The following CALN1 variants were observed in gnomAD, a reference collection of about 807,000 sequenced individuals.
The protein encoded by CALN1 is calcium-binding protein 8.
Under a neutral mutation model 30.6 loss-of-function variants are expected in CALN1, and 17 were observed. That is an observed-to-expected ratio of 0.56 (90% CI 0.38 to 0.83). The LOEUF is 0.83. Among genes scored for constraint, CALN1 ranks in the 40% least tolerant of loss-of-function variants. CALN1 has a pLI of 0.00. For missense variants in CALN1, 291 were observed against 354.9 expected (o/e 0.82, Z 1.45); for synonymous variants, 156 against 131.4 (o/e 1.19, Z -1.28).
intron 3 of CALN1, among the ~76,000 whole-genome samples, chr7:72,212,868 C>CTT (rs1307755188): frequency 6.6e-6 from 1 of 152,176 alleles, no homozygotes; most frequent in Non-Finnish European, 1.5e-5. Flanking sequence ...GTCTATCAAC[C>CTT]AGTCAGTAGT....
At chr7:72,133,326 A>G (rs566220279) in intron 3 of CALN1, among the ~76,000 whole-genome samples, 1 of 152,218 alleles carries the variant, frequency 6.6e-6, no homozygotes, top group African/African-American at 2.4e-5. Context: ...TGAAGAGGCT[A>G]CTACTATATT....
intron 3 of CALN1, among the ~76,000 whole-genome samples, chr7:72,189,020 A>G (rs1166074884): frequency 6.6e-6 from 1 of 152,104 alleles, no homozygotes; most frequent in African/African-American, 2.4e-5. Flanking sequence ...TCCAGTGAGG[A>G]AAAAGAGAGA....
At chr7:72,464,934 C>T in the CALN1 span, among the ~76,000 whole-genome samples, 1 of 152,172 alleles carries the variant, frequency 6.6e-6, no homozygotes, top group Non-Finnish European at 1.5e-5. Context: ...CTATGTCAAC[C>T]CTCATGGCAT....
At chr7:71,809,464 CAAAAA>C (rs10682965) in intron 6 of CALN1, among the ~76,000 whole-genome samples, 4 of 108,402 alleles carry the variant, frequency 3.7e-5, no homozygotes, top group East Asian at 2.6e-4. Flanking sequence ...TTTAAATGTT[CAAAAA>C]AAAAAAAAAG....
At chr7:72,065,718 C>T (rs377434963) in intron 4 of CALN1, among the ~76,000 whole-genome samples, 1 of 151,950 alleles carries the variant, frequency 6.6e-6, no homozygotes, top group African/African-American at 2.4e-5. Context: ...GTGGTGAAAC[C>T]CCATCTCCAC....
At chr7:72,218,819 G>A (rs113868332) in intron 3 of CALN1, among the ~76,000 whole-genome samples, 1 of 152,274 alleles carries the variant, frequency 6.6e-6, no homozygotes, top group African/African-American at 2.4e-5. Context: ...TCCAAAGCAC[G>A]GTTTTCCTCT....
At chr7:72,285,791 G>A (rs2129554522) in intron 2 of CALN1, among the ~76,000 whole-genome samples, 1 of 152,294 alleles carries the variant, frequency 6.6e-6, no homozygotes. Context: ...TCTGAAAGAA[G>A]CTGAAAGACT....
chr7:71,863,557 C>CAA (rs71531769), intron 5 of CALN1, among the ~76,000 whole-genome samples: 4,493 of 32,062 alleles, frequency 0.14, 629 homozygotes, highest in Non-Finnish European at 0.24. Flanking sequence ...AACTCCATCT[C>CAA]AAAAAAAAAA....
At chr7:72,201,089 C>A (rs189574283) in intron 3 of CALN1, among the ~76,000 whole-genome samples, 14 of 152,264 alleles carry the variant, frequency 9.2e-5, no homozygotes, top group African/African-American at 2.9e-4. Context: ...ACATACTATG[C>A]AGCTGTAAAA....
chr7:72,293,712 G>A (rs907002953), intron 2 of CALN1, among the ~76,000 whole-genome samples: 1 of 152,174 alleles, frequency 6.6e-6, no homozygotes, highest in Non-Finnish European at 1.5e-5. Flanking sequence ...AAGCACCCAT[G>A]TTAGCTTAGG....
intron 3 of CALN1, among the ~76,000 whole-genome samples, chr7:72,250,703 G>A (rs1219093829): frequency 6.6e-6 from 1 of 151,832 alleles, no homozygotes; most frequent in African/African-American, 2.4e-5. Flanking sequence ...AAAAGAGGCT[G>A]GCATCTCGCT....
intron 5 of CALN1, among the ~76,000 whole-genome samples, chr7:71,835,433 A>T (rs545191556): frequency 6.6e-6 from 1 of 152,206 alleles, no homozygotes; most frequent in Non-Finnish European, 1.5e-5. Context: ...TCACGAACTT[A>T]GCCTGTGTTT....
chr7:72,387,314 C>A (rs1805290899), intron 2 of CALN1, among the ~76,000 whole-genome samples: 1 of 66,912 alleles, frequency 1.5e-5, no homozygotes, highest in Non-Finnish European at 3.1e-5. Context: ...GGGAGGCAGG[C>A]ATCTCCCATA....
chr7:72,263,570 A>G lies in CALN1; in HGVS notation c.244+15116T>C, dbSNP rs370080137. On this transcript the variant is annotated intron_variant, in intron 3 of 6. Transcript: ENST00000395275. ...ACCACCATGCCTGGCTAACTTTTTAATTTTTTGTACAGGCTGGTTGCCCAG... is the reference window on the plus strand; with the variant it reads ...ACCACCATGCCTGGCTAACTTTTTAGTTTTTTGTACAGGCTGGTTGCCCAG... Among the ~76,000 whole-genome samples the G allele has an allele frequency of 1.2e-3, 177 of 151,610 alleles. 1 individual carries two copies. The highest frequency in any genetic ancestry group is 4.1e-3 in the African/African-American group (170 of 41,304).
intron 2 of CALN1, among the ~76,000 whole-genome samples, chr7:72,323,379 T>TG (rs1386075390): frequency 1.3e-5 from 2 of 152,232 alleles, no homozygotes; most frequent in African/African-American, 2.4e-5. Context: ...AGTCCCACTG[T>TG]GGTCCACCCT....
At chr7:72,096,591 G>T (rs1257749115) in intron 4 of CALN1, among the ~76,000 whole-genome samples, 6 of 152,158 alleles carry the variant, frequency 3.9e-5, no homozygotes, top group Non-Finnish European at 8.8e-5. Flanking sequence ...CCCCTGAGCT[G>T]CCAAGAACGC....
intron 2 of CALN1, among the ~76,000 whole-genome samples, chr7:72,305,873 C>T (rs1799610736): frequency 1.3e-5 from 2 of 152,178 alleles, no homozygotes; most frequent in Admixed American, 1.3e-4. Context: ...TTGCTCTGTC[C>T]TCACATGGTC....
chr7:72,308,372 GGAGAGAGAGA>G lies in CALN1; in HGVS notation c.120-29572_120-29563del, dbSNP rs150660773. Among the ~76,000 whole-genome samples the G allele has an allele frequency of 7.2e-4, 67 of 92,650 alleles. 2 individuals are homozygous for G. The highest frequency in any genetic ancestry group is 2.1e-3 in the South Asian group (6 of 2,792). 60.8% of individuals were successfully genotyped at this position (92,650 alleles called of 152,430 possible). On this transcript the variant is annotated intron_variant, in intron 2 of 6. Coordinates refer to ENST00000395275, the MANE Select transcript of CALN1 (RefSeq NM_031468.4). The stretch of plus-strand genomic sequence containing the variant: ...GAGTGAGATGCTGTCTGTGGGGGGG[GGAGAGAGAGA>G]GAGAGAGAGAGAGAGAGAGAGAGGA...
At chr7:72,386,724 C>G (rs1392484788) in intron 2 of CALN1, among the ~76,000 whole-genome samples, 1 of 152,126 alleles carries the variant, frequency 6.6e-6, no homozygotes, top group African/African-American at 2.4e-5. Flanking sequence ...CAACCCTGAA[C>G]TCCTGGGCTC....
Sources: gnomAD v4.1 joint callset for allele counts (sites outside exome capture counted in the v4.1 genomes callset) on GRCh38, gnomAD v4.1.1 for gene constraint, MANE v1.5 for transcripts, NCBI Gene and HGNC (gene_info 2026-07-23, HGNC 2026-07-21) for gene names.